The following PTPRD variants were observed in gnomAD, a reference collection of about 807,000 sequenced individuals.
The protein encoded by PTPRD is protein tyrosine phosphatase receptor type D, also known as receptor-type tyrosine-protein phosphatase delta.
In PTPRD, 34 loss-of-function variants were observed where a neutral mutation model predicts 214.5. The ratio of observed to expected loss-of-function variants is 0.16; its 90% CI spans 0.12 to 0.21. The LOEUF is 0.21. Ranked by LOEUF, PTPRD falls within the 10% of genes least tolerant of loss-of-function variation. The probability of loss-of-function intolerance (pLI) is 1.00; values close to 1 mark genes in which losing one functional copy is unlikely to be tolerated. For missense variants in PTPRD, 2,545 were observed against 2,398.7 expected (o/e 1.06, Z -1.27); for synonymous variants, 1,128 against 845.7 (o/e 1.33, Z -5.79).
rs76544824 is a variant in PTPRD, at chr9:9,321,833, G to A, written c.-203+75616C>T. On this transcript the variant is annotated intron_variant, in intron 9 of 45. Transcript: ENST00000381196. ...TTAAATGAGATAATTCATGTAAGGTGGTTAGCACACAGCAAGAGCTAAATA... is the reference window on the plus strand; with the variant it reads ...TTAAATGAGATAATTCATGTAAGGTAGTTAGCACACAGCAAGAGCTAAATA... Among the ~76,000 whole-genome samples the A allele has an allele frequency of 5.2e-3, 788 of 152,174 alleles. 9 individuals carry two copies. The highest frequency in any genetic ancestry group is 0.017 in the African/African-American group (725 of 41,522).
intron 12 of PTPRD, among the ~76,000 whole-genome samples, chr9:8,721,015 C>T (rs1370547453): frequency 6.6e-6 from 1 of 150,954 alleles, no homozygotes; most frequent in Non-Finnish European, 1.5e-5. Context: ...TTGCTCTAGG[C>T]AGGTCATCTA....
In PTPRD at chr9:8,424,441, G is replaced by T. The variant is rs549071448; in HGVS notation, c.4086+12151C>A. Among the ~76,000 whole-genome samples the T allele has an allele frequency of 2.0e-5, 3 of 152,206 alleles. No individual in the cohort carries two copies. The South Asian group carries it at 6.2e-4, about 32-fold the overall frequency. ...CAACATACCTTCTGTAACATGGGGA[G>T]ACTAACAGTACCTACCTGGAAGGAC... On this transcript the variant is annotated intron_variant, in intron 35 of 45. Coordinates refer to ENST00000381196, the MANE Select transcript of PTPRD (RefSeq NM_002839.4).
intron 39 of PTPRD, among the ~76,000 whole-genome samples, chr9:8,348,832 A>T (rs1420309092): frequency 1.3e-5 from 2 of 152,186 alleles, no homozygotes; most frequent in African/African-American, 4.8e-5. Context: ...ACCCTGAATC[A>T]ACATTTCCTT....
intron 8 of PTPRD, among the ~76,000 whole-genome samples, chr9:9,415,034 A>T (rs1335055568): frequency 6.6e-6 from 1 of 152,192 alleles, no homozygotes; most frequent in Non-Finnish European, 1.5e-5. Context: ...CTGCATTTTC[A>T]TTGCATTTTG....
Position 9,889,298 on chromosome 9 carries a change from G to A in PTPRD, c.-368+49209C>T, listed in dbSNP as rs567256177. 2.0e-5 allele frequency among the ~76,000 whole-genome samples: 3 copies of A among 152,226 alleles called. No homozygotes were observed. The East Asian group carries it at 5.8e-4, about 29-fold the overall frequency. ...ACCACAAAAATGGTAACTCTGTGAG[G>A]TAATGAATGTGTTAACTAGCTAGAT... is the stretch of plus-strand genomic sequence containing the variant. On this transcript the variant is annotated intron_variant, in intron 5 of 45. Coordinates refer to ENST00000381196, the MANE Select transcript of PTPRD (RefSeq NM_002839.4).
chr9:10,518,647 C>G (rs542302373), intron 2 of PTPRD, among the ~76,000 whole-genome samples: 75 of 152,114 alleles, frequency 4.9e-4, no homozygotes, highest in African/African-American at 1.7e-3. Flanking sequence ...ATTCTGCTGC[C>G]TCAGCCTCCC....
intron 2 of PTPRD, among the ~76,000 whole-genome samples, chr9:10,601,023 G>A (rs1301548568): frequency 3.3e-5 from 5 of 151,538 alleles, no homozygotes; most frequent in Non-Finnish European, 7.4e-5. Flanking sequence ...TTCTACAGGG[G>A]AAAATAGCAA....
intron 9 of PTPRD, among the ~76,000 whole-genome samples, chr9:9,341,069 C>T (rs1255596514): frequency 1.3e-5 from 2 of 151,748 alleles, no homozygotes; most frequent in African/African-American, 4.8e-5. Flanking sequence ...AAATGTTTTG[C>T]TAATTGTTTT....
chr9:8,848,306 A>G (rs2097741656), intron 11 of PTPRD, among the ~76,000 whole-genome samples: 1 of 109,106 alleles, frequency 9.2e-6, no homozygotes, highest in East Asian at 2.7e-4. Flanking sequence ...AATGCTTAAG[A>G]TTTTTCCTTT....
intron 2 of PTPRD, among the ~76,000 whole-genome samples, chr9:10,431,536 T>C (rs1328879620): frequency 6.6e-6 from 1 of 151,836 alleles, no homozygotes; most frequent in East Asian, 1.9e-4. Context: ...AACCTACTCA[T>C]CTGACAAAGG....
intron 4 of PTPRD, among the ~76,000 whole-genome samples, chr9:9,978,173 A>C (rs2095423970): frequency 6.6e-6 from 1 of 152,118 alleles, no homozygotes; most frequent in Admixed American, 6.6e-5. Flanking sequence ...TCAAAATCAG[A>C]AAACCAACAA....
At chr9:10,571,709 T>C (rs550265619) in intron 2 of PTPRD, among the ~76,000 whole-genome samples, 24 of 152,260 alleles carry the variant, frequency 1.6e-4, no homozygotes, top group African/African-American at 5.5e-4. Flanking sequence ...AGACAGTTTT[T>C]CCGGGACTGG....
chr9:10,492,227 C>T lies in PTPRD; in HGVS notation c.-600+120171G>A, dbSNP rs1354418935. Among the ~76,000 whole-genome samples the T allele has an allele frequency of 2.0e-5, 3 of 152,082 alleles. No individual in the cohort carries two copies. In the East Asian group the frequency reaches 5.8e-4, roughly 29 times the overall value. ...ATTTATAATCTTTTGGGTATATACC[C>T]AGTAATGGGATGGCTGGGTCAAATG... On this transcript the variant is annotated intron_variant, in intron 2 of 45. Coordinates refer to ENST00000381196, the MANE Select transcript of PTPRD (RefSeq NM_002839.4).
At chr9:8,582,960 G>C (rs2093314688) in intron 14 of PTPRD, among the ~76,000 whole-genome samples, 1 of 152,116 alleles carries the variant, frequency 6.6e-6, no homozygotes, top group African/African-American at 2.4e-5. Context: ...CTTGAAATTG[G>C]AAATAATTAA....
chr9:10,082,804 ACTC>A (rs1321100442), intron 3 of PTPRD, among the ~76,000 whole-genome samples: 7 of 133,252 alleles, frequency 5.3e-5, no homozygotes, highest in South Asian at 2.4e-4. Context: ...CCTTTCTTCT[ACTC>A]CTCCTACACA....
intron 9 of PTPRD, among the ~76,000 whole-genome samples, chr9:9,240,445 G>T (rs1191142265): frequency 6.6e-6 from 1 of 152,124 alleles, no homozygotes; most frequent in Non-Finnish European, 1.5e-5. Context: ...GGCCGAGGTG[G>T]GCAGATCATG....
At position 9,601,146 on chromosome 9, in the gene PTPRD, TG is replaced by T. The variant is rs1563976885; in HGVS notation, c.-286-26366del. Among the ~76,000 whole-genome samples, 534 of 102,412 alleles carry T rather than the reference TG, an allele frequency of 5.2e-3. 5 individuals carry two copies. The highest frequency in any genetic ancestry group is 0.016 in the African/African-American group (490 of 29,790). The allele number at this position is 102,412 out of a possible 152,430, so 67.2% of individuals were successfully genotyped here. On this transcript the variant is annotated intron_variant, in intron 7 of 45. Transcript: ENST00000381196. ...GTGTGTGTGTGTGTGTGTGTGTGTG[TG>T]TGTATGGGGGGGGGAGAGTGGGGAG...
chr9:9,988,419 C>T (rs1191916788), intron 4 of PTPRD, among the ~76,000 whole-genome samples: 1 of 152,140 alleles, frequency 6.6e-6, no homozygotes, highest in East Asian at 1.9e-4. Context: ...AGTTCCTTGA[C>T]CTCCAAGCAT....
chr9:8,316,926 T>A lies in PTPRD; in HGVS notation c.*948A>T, dbSNP rs572896752. 17 of 231,512 alleles carry A rather than the reference T, an allele frequency of 7.3e-5. No homozygotes were observed. In the East Asian group the frequency reaches 1.0e-3, roughly 14 times the overall value. The allele number at this position is 231,512 out of a possible 1,614,324, so 14.3% of individuals were successfully genotyped here. A position where few individuals can be genotyped will look rare whatever the true frequency, so the allele number is the denominator to read the frequency against. ...CTGATAACTGTATCTATTTTTTGTG[T>A]GGACACACTGTCTATATATACATAG... On this transcript the variant is annotated 3_prime_UTR_variant, in exon 46 of 46. Transcript: ENST00000381196.
Sources: gnomAD v4.1 joint callset for allele counts (sites outside exome capture counted in the v4.1 genomes callset) on GRCh38, gnomAD v4.1.1 for gene constraint, MANE v1.5 for transcripts, NCBI Gene and HGNC (gene_info 2026-07-23, HGNC 2026-07-21) for gene names.